CAMK1D: variants seen among roughly 807,000 people sequenced by gnomAD.
CAMK1D encodes calcium/calmodulin dependent protein kinase ID.
In CAMK1D, 9 loss-of-function variants were observed where a neutral mutation model predicts 47.7. The observed-to-expected ratio is 0.19, with a 90% CI of 0.11 to 0.33. The LOEUF is 0.33. Ranked by LOEUF, CAMK1D falls within the 10% of genes least tolerant of loss-of-function variation. The pLI, the probability that CAMK1D is intolerant of heterozygous loss-of-function variation, is 1.00. For missense variants in CAMK1D, 291 were observed against 488.7 expected, an observed-to-expected ratio of 0.60 and a Z score of 3.81; for synonymous variants, 184 against 184.9, an observed-to-expected ratio of 0.99 and a Z score of 0.04.
intron 2 of CAMK1D, among the ~76,000 whole-genome samples, chr10:12,587,229 A>G (rs1837845209): frequency 1.3e-5 from 2 of 152,194 alleles, no homozygotes; most frequent in South Asian, 4.1e-4. Context: ...CCGAAAATTA[A>G]TAAGCAATGA....
At chr10:12,641,094 C>T (rs761731228) in intron 2 of CAMK1D, among the ~76,000 whole-genome samples, 4 of 151,956 alleles carry the variant, frequency 2.6e-5, no homozygotes, top group Admixed American at 6.6e-5. Flanking sequence ...CTCAGCCTCC[C>T]GAGTAGCTAG....
chr10:12,376,162 C>CAAAAAAAAAAAAAAAAAAAAA (rs59804213), intron 1 of CAMK1D, among the ~76,000 whole-genome samples: 1 of 59,988 alleles, frequency 1.7e-5, no homozygotes, highest in African/African-American at 7.7e-5. Flanking sequence ...GACTCTGTCC[C>CAAAAAAAAAAAAAAAAAAAAA]AAAAAAAAAA....
Position 12,832,424 on chromosome 10 carries a change from AC to A in CAMK1D, c.*3539del, listed in dbSNP as rs1297628678. The A allele has an allele frequency of 6.6e-6, 1 of 152,186 alleles. No homozygotes were observed. The highest frequency in any genetic ancestry group is 2.4e-5 in the African/African-American group (1 of 41,412). The allele number at this position is 152,186 out of a possible 1,614,324, so 9.4% of individuals were successfully genotyped here. A position where few individuals can be genotyped will look rare whatever the true frequency, so the allele number is the denominator to read the frequency against. Reference sequence around the variant, plus strand: ...GGGCACACCTAGGAGAAGCTCAATGACCACCAAAGCCCTTGAGGAGAGACGG... The same window carrying A: ...GGGCACACCTAGGAGAAGCTCAATGACACCAAAGCCCTTGAGGAGAGACGG... On this transcript the variant is annotated 3_prime_UTR_variant, in exon 11 of 11. Transcript: ENST00000619168.
At chr10:12,578,881 G>C (rs1364921493) in intron 2 of CAMK1D, 1 of 154,226 alleles carries the variant, frequency 6.5e-6, no homozygotes, top group Non-Finnish European at 1.5e-5. Flanking sequence ...CTCTACACTC[G>C]ATTGACTGTT....
At chr10:12,773,960 G>A (rs1044481142) in intron 5 of CAMK1D, among the ~76,000 whole-genome samples, 3 of 151,706 alleles carry the variant, frequency 2.0e-5, no homozygotes, top group African/African-American at 7.3e-5. Context: ...TCAGTATTAT[G>A]AGAGAGAAAG....
chr10:12,574,317 T>C (rs1297131583), intron 2 of CAMK1D, among the ~76,000 whole-genome samples: 2 of 151,940 alleles, frequency 1.3e-5, no homozygotes, highest in African/African-American at 4.8e-5. Flanking sequence ...CCTTTTTTTT[T>C]TTGAGTTGGA....
intron 2 of CAMK1D, among the ~76,000 whole-genome samples, chr10:12,620,715 A>AGTTTGTCC: frequency 6.6e-6 from 1 of 152,172 alleles, no homozygotes; most frequent in Admixed American, 6.5e-5. Flanking sequence ...TTCCCCTCTG[A>AGTTTGTCC]GTTTGTCCTT....
At chr10:12,371,145 A>G (rs940855147) in intron 1 of CAMK1D, among the ~76,000 whole-genome samples, 1 of 152,172 alleles carries the variant, frequency 6.6e-6, no homozygotes, top group Non-Finnish European at 1.5e-5. Flanking sequence ...TATAAAGTCT[A>G]CAGTAGTGTA....
intron 6 of CAMK1D, among the ~76,000 whole-genome samples, chr10:12,799,157 A>T (rs111805963): frequency 0.028 from 4,316 of 152,166 alleles, 86 homozygotes; most frequent in African/African-American, 0.062. Context: ...GAAGCCCACG[A>T]CTCGACGCAA....
chr10:12,553,740 G>T (rs1836668599), intron 2 of CAMK1D, among the ~76,000 whole-genome samples: 1 of 152,208 alleles, frequency 6.6e-6, no homozygotes, highest in Non-Finnish European at 1.5e-5. Context: ...TGCTTACTAA[G>T]TTTTTGTGAA....
intron 1 of CAMK1D, among the ~76,000 whole-genome samples, chr10:12,407,778 TCC>T (rs944689660): frequency 6.6e-6 from 1 of 150,504 alleles, no homozygotes; most frequent in African/African-American, 2.5e-5. Flanking sequence ...TCTAGGTACT[TCC>T]CCCCCGGGAA....
At chr10:12,822,547 C>T (rs2131111160) in intron 8 of CAMK1D, among the ~76,000 whole-genome samples, 1 of 152,326 alleles carries the variant, frequency 6.6e-6, no homozygotes, top group South Asian at 2.1e-4. Flanking sequence ...GACCCCGAGG[C>T]CCAGAGTCTC....
At chr10:12,578,910 A>G (rs964165846) in intron 2 of CAMK1D, 1 of 153,952 alleles carries the variant, frequency 6.5e-6, no homozygotes, top group African/African-American at 2.4e-5. Flanking sequence ...CTATGTGAAC[A>G]CGGTGGGTAG....
At position 12,487,212 on chromosome 10, in the gene CAMK1D, G is replaced by A. The variant is rs528298117; in HGVS notation, c.93-66013G>A. Reference sequence around the variant, plus strand: ...GAGGCCCCGGTGTCAGCTGTCCCTCGCATTATGTTCATATGTTCTCATCAT... The same window carrying A: ...GAGGCCCCGGTGTCAGCTGTCCCTCACATTATGTTCATATGTTCTCATCAT... On this transcript the variant is annotated intron_variant, in intron 1 of 10. Coordinates refer to ENST00000619168, the MANE Select transcript of CAMK1D (RefSeq NM_153498.4). 4.6e-5 allele frequency among the ~76,000 whole-genome samples: 7 copies of A among 152,034 alleles called. No homozygotes were observed. The South Asian group carries it at 1.0e-3, about 22-fold the overall frequency.
At chr10:12,494,821 G>A (rs936770511) in intron 1 of CAMK1D, among the ~76,000 whole-genome samples, 1 of 152,066 alleles carries the variant, frequency 6.6e-6, no homozygotes, top group African/African-American at 2.4e-5. Context: ...TGCCCACCTC[G>A]GCCTGCCAAG....
intron 2 of CAMK1D, among the ~76,000 whole-genome samples, chr10:12,582,688 A>G (rs1467700816): frequency 2.0e-5 from 3 of 152,218 alleles, no homozygotes; most frequent in African/African-American, 7.2e-5. Context: ...CTGTTGGTGT[A>G]TAGCAGAGCT....
At chr10:12,632,011 G>T (rs545986081) in intron 2 of CAMK1D, among the ~76,000 whole-genome samples, 1 of 152,102 alleles carries the variant, frequency 6.6e-6, no homozygotes, top group Non-Finnish European at 1.5e-5. Context: ...GCACCACACC[G>T]TGCGAAGGCT....
intron 3 of CAMK1D, among the ~76,000 whole-genome samples, chr10:12,725,758 T>A (rs994648337): frequency 2.6e-5 from 4 of 152,116 alleles, no homozygotes; most frequent in Non-Finnish European, 5.9e-5. Flanking sequence ...AATAATATGG[T>A]TTTCTTTGCT....
At chr10:12,542,230 G>A (rs1836220063) in intron 1 of CAMK1D, among the ~76,000 whole-genome samples, 1 of 152,130 alleles carries the variant, frequency 6.6e-6, no homozygotes, top group Non-Finnish European at 1.5e-5. Context: ...TGACACTGGG[G>A]AAAATAATAT....
Sources: allele counts gnomAD v4.1 joint callset (sites outside exome capture counted in the v4.1 genomes callset), GRCh38; gene constraint gnomAD v4.1.1; transcripts MANE v1.5; gene names NCBI Gene and HGNC (gene_info 2026-07-23, HGNC 2026-07-21).